Variants in AFM observed in about 807,000 individuals in gnomAD.
AFM encodes the protein alpha-Alb.
Under a neutral mutation model 68.7 loss-of-function variants are expected in AFM, and 82 were observed. The observed-to-expected ratio is 1.19, with a 90% CI of 1.00 to 1.43. The LOEUF is 1.43. AFM is among the 40% of genes most tolerant of loss of function. The pLI, the probability that AFM is intolerant of heterozygous loss-of-function variation, is 0.00. For missense variants in AFM, 772 were observed against 701.8 expected, an observed-to-expected ratio of 1.10 and a Z score of -1.13; for synonymous variants, 250 against 234.2, an observed-to-expected ratio of 1.07 and a Z score of -0.61.
At position 73,499,209 on chromosome 4, in the gene AFM, G is replaced by A. The variant is rs1310007478; in HGVS notation, c.1385G>A (p.Cys462Tyr). The change falls in exon 11 of 15, where the codon TGT (cysteine) becomes TAT (tyrosine). Residue 462 changes from cysteine (C) to tyrosine (Y), a missense_variant. By Grantham distance (194) the Cys-to-Tyr change is radical. Transcript: ENST00000226355. ...ATGGTGACAGCTTTCACTACTTGCT[G>A]TACGCTAAGTGAAGAGTTTGCCTGT... The part of the protein sequence containing the change: ...EKMVTAFTTC[C>Y]TLSEEFACVD... The A allele has an allele frequency of 1.9e-6, 3 of 1,611,854 alleles. No homozygotes were observed. Among genetic ancestry groups the A allele is most frequent in the Admixed American group, 1.7e-5 (1 of 59,834 alleles).
In AFM at chr4:73,486,213, A is replaced by C. The variant is rs549930623; in HGVS notation, c.482+140A>C. 92 of 759,946 alleles carry C rather than the reference A, an allele frequency of 1.2e-4. No homozygotes were observed. The African/African-American group carries it at 1.5e-3, about 13-fold the overall frequency. 47.1% of individuals were successfully genotyped at this position (759,946 alleles called of 1,614,324 possible). ...ATTCATTCAAAACATACTGTGTGTC[A>C]GATACTGTGCTCAGTGTTCAGGATA... is the stretch of plus-strand genomic sequence containing the variant. On this transcript the variant is annotated intron_variant, in intron 4 of 14. Coordinates refer to ENST00000226355, the MANE Select transcript of AFM (RefSeq NM_001133.2).
chr4:73,485,677 G>C (rs1720879514), intron 3 of AFM, among the ~76,000 whole-genome samples, 185 bp from the exon 4 acceptor site: 1 of 141,432 alleles, frequency 7.1e-6, no homozygotes, highest in Non-Finnish European at 1.5e-5. Context: ...AGGAGGAGGA[G>C]GTGGAAGAGA....
At chr4:73,485,529 G>A (rs544545651) in intron 3 of AFM, among the ~76,000 whole-genome samples, 2 of 151,618 alleles carry the variant, frequency 1.3e-5, no homozygotes, top group African/African-American at 4.8e-5. Flanking sequence ...TTCCAAAGAA[G>A]AAGCAGAAAA....
At position 73,484,360 on chromosome 4, in the gene AFM, C is replaced by G; in HGVS notation, c.240C>G (p.Asp80Glu). 1 of 1,611,604 alleles carries G rather than the reference C, an allele frequency of 6.2e-7. No individual in the cohort carries two copies. Among genetic ancestry groups the G allele is most frequent in the South Asian group, 1.1e-5 (1 of 90,658 alleles). ...MVEYKDRCMA[D>E]KTLPECSKLP... ...AATACAAAGACAGATGTATGGCTGA[C>G]AAGACGCTCCCAGAGTGTTCAAAAT... Residue 80 changes from aspartate (D) to glutamate (E), a missense_variant, in exon 3 of 15, where the codon GAC (aspartate) becomes GAG (glutamate). Coordinates refer to ENST00000226355, the MANE Select transcript of AFM (RefSeq NM_001133.2).
chr4:73,487,031 G>A lies in AFM; in HGVS notation c.547G>A (p.Val183Ile). 1 of 1,613,942 alleles carries A rather than the reference G, an allele frequency of 6.2e-7. No homozygotes were observed. Among genetic ancestry groups the A allele is most frequent in the Non-Finnish European group, 8.5e-7 (1 of 1,179,962 alleles). Residue 183 changes from valine (V) to isoleucine (I), a missense_variant, in exon 5 of 15, where the codon GTT becomes ATT. Transcript: ENST00000226355. ...VFAPTLLTVA[V>I]HFEEVAKSCC... ...CGCCCCTACACTTCTAACTGTTGCT[G>A]TTCATTTTGAGGAGGTGGCCAAATC...
chr4:73,488,620 C>A lies in AFM; in HGVS notation c.714-10C>A. On this transcript the variant is annotated splice_polypyrimidine_tract_variant and intron_variant, in intron 6 of 14. Transcript: ENST00000226355. ...AAATTATTTTTGTGGTTTATCAATTCTCTTTCCAGATATATTGCGATACTC... is the reference window on the plus strand; with the variant it reads ...AAATTATTTTTGTGGTTTATCAATTATCTTTCCAGATATATTGCGATACTC... The A allele has an allele frequency of 2.5e-6, 4 of 1,599,496 alleles. No homozygotes were observed. The highest frequency in any genetic ancestry group is 3.4e-6 in the Non-Finnish European group (4 of 1,173,700).
At chr4:73,502,021 A>G in intron 13 of AFM, 102 bp downstream of exon 13, 1 of 1,312,202 alleles carries the variant, frequency 7.6e-7, no homozygotes, top group Non-Finnish European at 1.0e-6. Context: ...AGTGTCTACC[A>G]GGACTACATT....
chr4:73,501,350 T>C (rs1305200328), intron 12 of AFM, among the ~76,000 whole-genome samples: 1 of 152,154 alleles, frequency 6.6e-6, no homozygotes, highest in Admixed American at 6.6e-5. Context: ...AATTGGAATG[T>C]CCATCATCTA....
chr4:73,497,170 G>A (rs1383802990), intron 9 of AFM, among the ~76,000 whole-genome samples: 1 of 152,116 alleles, frequency 6.6e-6, no homozygotes, highest in African/African-American at 2.4e-5. Context: ...AAAACTGTTG[G>A]AGGTTTTAAG....
intron 2 of AFM, 84 bp downstream of exon 2, chr4:73,484,073 C>T: frequency 7.2e-7 from 1 of 1,384,474 alleles, no homozygotes; most frequent in Non-Finnish European, 9.7e-7. Flanking sequence ...AGTAATTTAA[C>T]TAAATAGAAG....
intron 7 of AFM, 81 bp from the exon 8 acceptor site, chr4:73,491,791 C>A: frequency 8.9e-7 from 1 of 1,120,378 alleles, no homozygotes; most frequent in Non-Finnish European, 1.3e-6. Context: ...GCGATCATGA[C>A]TGGTTTTGCA....
In AFM at chr4:73,482,323, G is replaced by A. The variant is rs1720738324; in HGVS notation, c.88+460G>A. Among the ~76,000 whole-genome samples the A allele has an allele frequency of 5.3e-5, 8 of 152,182 alleles. No homozygotes were observed. In the South Asian group the frequency reaches 1.7e-3, roughly 32 times the overall value. On this transcript the variant is annotated intron_variant, in intron 1 of 14. Coordinates refer to ENST00000226355, the MANE Select transcript of AFM (RefSeq NM_001133.2). ...AGTTTGAACATCCCTCCTGAGCCTG[G>A]CCAAGGCCATCTCAGTCTGTAGGAA...
At chr4:73,482,000 A>C in intron 1 of AFM, 137 bp downstream of exon 1, 1 of 626,456 alleles carries the variant, frequency 1.6e-6, no homozygotes, top group Middle Eastern at 4.4e-4. Context: ...CTAACCAGTT[A>C]TCCAAAACTA....
chr4:73,486,377 C>T (rs138785191), intron 4 of AFM, among the ~76,000 whole-genome samples: 164 of 152,274 alleles, frequency 1.1e-3, no homozygotes, highest in Middle Eastern at 6.8e-3. Flanking sequence ...ATAATATACT[C>T]TTCCCAAGGG....
At chr4:73,486,838 C>T in intron 4 of AFM, 129 bp from the exon 5 acceptor site, 1 of 936,244 alleles carries the variant, frequency 1.1e-6, no homozygotes. Flanking sequence ...CTCTTCTTGT[C>T]TCTTTCTATT....
intron 7 of AFM, among the ~76,000 whole-genome samples, chr4:73,489,704 G>C (rs993656655): frequency 6.6e-6 from 1 of 152,156 alleles, no homozygotes; most frequent in South Asian, 2.1e-4. Context: ...GTATTGGTAC[G>C]AATATTGTTG....
intron 11 of AFM, among the ~76,000 whole-genome samples, chr4:73,499,641 G>C (rs1036103839): frequency 6.6e-6 from 1 of 152,118 alleles, no homozygotes; most frequent in Non-Finnish European, 1.5e-5. Context: ...CTTTAGGGCT[G>C]GGGTGGAGAG....
rs773014552 is a variant in AFM, at chr4:73,492,028, AC to A, written c.1001del (p.Thr334MetfsTer38). The stretch of plus-strand genomic sequence containing the variant: ...TTTATCTCTAAGAGAAGGAAAATTT[AC>A]TGACAGTGAAAATGTGTGTCAAGAA... ...KDLSLREGKFTDSENVCQERD... is the reference protein window; with the variant it reads ...KDLSLREGKFXDSENVCQERD... On this transcript the variant is annotated frameshift_variant, in exon 8 of 15. Transcript: ENST00000226355. LOFTEE classifies it high-confidence loss of function. 5 of 1,613,440 alleles carry A rather than the reference AC, an allele frequency of 3.1e-6. No homozygotes were observed. The South Asian group carries it at 5.5e-5, about 18-fold the overall frequency.
At chr4:73,501,403 C>CAAAA (rs1243829791) in intron 12 of AFM, among the ~76,000 whole-genome samples, 3 of 152,020 alleles carry the variant, frequency 2.0e-5, no homozygotes, top group Non-Finnish European at 4.4e-5. Flanking sequence ...TACAATTCTC[C>CAAAA]TCTTCTAGCT....
Sources: gnomAD v4.1 joint callset for allele counts (sites outside exome capture counted in the v4.1 genomes callset) on GRCh38, gnomAD v4.1.1 for gene constraint, MANE v1.5 for transcripts, NCBI Gene and HGNC (gene_info 2026-07-23, HGNC 2026-07-21) for gene names.